VWA3B: variants seen among roughly 807,000 people sequenced by gnomAD.
VWA3B encodes von Willebrand factor A domain-containing protein 3B.
A neutral mutation model predicts 158.3 loss-of-function variants in VWA3B; 138 were observed. The observed-to-expected ratio is 0.87, with a 90% CI of 0.76 to 1.00. VWA3B has a LOEUF of 1.00. Ranked by LOEUF, VWA3B falls within the 50% of genes least tolerant of loss-of-function variation. The pLI is 0.00. For missense variants in VWA3B, 1,555 were observed against 1,565.1 expected (o/e 0.99, Z 0.11); for synonymous variants, 596 against 587.3 (o/e 1.01, Z -0.21).
chr2:98,178,175 C>T (rs747808529), intron 8 of VWA3B, among the ~76,000 whole-genome samples: 1 of 151,962 alleles, frequency 6.6e-6, no homozygotes, highest in African/African-American at 2.4e-5. Context: ...CCCAGGGACT[C>T]GGAGCTCTGA....
Position 98,181,196 on chromosome 2 carries a change from C to A in VWA3B, c.1295C>A (p.Ser432Tyr), listed in dbSNP as rs568905227. ...VDIKAKPENE[S>Y]VQTSAETNKK... is the part of the protein sequence containing the mutation. Reference sequence around the variant, plus strand: ...ATAAAAGCCAAACCGGAGAATGAGTCCGTGCAGACCAGTGCGGTAGGTGAA... The same window carrying A: ...ATAAAAGCCAAACCGGAGAATGAGTACGTGCAGACCAGTGCGGTAGGTGAA... The change falls in exon 9 of 28, where the codon TCC becomes TAC. Residue 432 changes from serine (S) to tyrosine (Y), a missense_variant. Coordinates refer to ENST00000477737, the MANE Select transcript of VWA3B (RefSeq NM_144992.5). The A allele has an allele frequency of 3.1e-6, 5 of 1,613,940 alleles. No individual in the cohort carries two copies. The highest frequency in any genetic ancestry group is 4.2e-6 in the Non-Finnish European group (5 of 1,179,978).
intron 7 of VWA3B, among the ~76,000 whole-genome samples, chr2:98,138,145 A>C (rs1676433734): frequency 2.6e-5 from 4 of 152,146 alleles, no homozygotes; most frequent in Admixed American, 2.6e-4. Context: ...CTCTGTCTGA[A>C]TGTCTGCCAT....
intron 8 of VWA3B, among the ~76,000 whole-genome samples, chr2:98,172,449 C>G (rs1457574357): frequency 6.6e-6 from 1 of 152,224 alleles, no homozygotes; most frequent in Non-Finnish European, 1.5e-5. Context: ...CGATGTCCAG[C>G]TGCTTCTGTC....
chr2:98,216,604 G>A (rs1684008784), intron 13 of VWA3B: 1 of 425,040 alleles, frequency 2.4e-6, no homozygotes, highest in African/African-American at 2.0e-5. Flanking sequence ...CACAGCTGAT[G>A]TGTGTGGAGC....
rs298917 is a variant in VWA3B at position 98,093,221 on chromosome 2, T to C, written c.129T>C (p.His43=). ...CATCTGAGAAATGGCTTCAACTGCA[T>C]GGGCTTAAGAGCAACAAATTGACCT... is the stretch of plus-strand genomic sequence containing the variant. ...LISSEKWLQL[H]GLKSNKLTLK... is the part of the protein sequence containing the mutation. The change falls in exon 2 of 28, where the codon CAT becomes CAC. Residue 43 remains histidine, a synonymous_variant. Coordinates refer to ENST00000477737, the MANE Select transcript of VWA3B (RefSeq NM_144992.5). 0.19 allele frequency: 302,399 copies of C among 1,614,002 alleles called. 29,892 individuals are homozygous for C. The highest frequency in any genetic ancestry group is 0.21 in the Non-Finnish European group (243,933 of 1,179,944).
chr2:98,179,603 C>T (rs371665628), intron 8 of VWA3B, among the ~76,000 whole-genome samples: 2 of 152,316 alleles, frequency 1.3e-5, no homozygotes, highest in East Asian at 3.9e-4. Context: ...CTTTCCACCA[C>T]ATTACAGAGC....
intron 20 of VWA3B, among the ~76,000 whole-genome samples, chr2:98,253,667 T>C (rs62156731): frequency 0.039 from 5,917 of 152,266 alleles, 172 homozygotes; most frequent in Middle Eastern, 0.075. Flanking sequence ...GGCTGCTTCT[T>C]GGCCTTCTGA....
At chr2:98,233,453 T>C (rs1685469109) in intron 16 of VWA3B, among the ~76,000 whole-genome samples, 1 of 152,220 alleles carries the variant, frequency 6.6e-6, no homozygotes, top group South Asian at 2.1e-4. Flanking sequence ...CTGATTGTTT[T>C]GCCTGGTAAT....
At chr2:98,194,614 A>G in intron 12 of VWA3B, 122 bp downstream of exon 12, 1 of 1,185,078 alleles carries the variant, frequency 8.4e-7, no homozygotes, top group South Asian at 1.7e-5. Flanking sequence ...GTGGCTTAAC[A>G]TGTAGACTTT....
intron 22 of VWA3B, among the ~76,000 whole-genome samples, chr2:98,285,941 T>C (rs528138602): frequency 9.2e-5 from 14 of 152,268 alleles, no homozygotes; most frequent in Admixed American, 1.3e-4. Context: ...TATTAGATCT[T>C]TGATTTCTCT....
At chr2:98,296,660 G>A (rs1027684355) in intron 23 of VWA3B, among the ~76,000 whole-genome samples, 1 of 152,172 alleles carries the variant, frequency 6.6e-6, no homozygotes, top group African/African-American at 2.4e-5. Context: ...AGCACATGCC[G>A]TGGAGCCCAG....
intron 12 of VWA3B, among the ~76,000 whole-genome samples, chr2:98,194,844 C>T (rs1403385686): frequency 2.0e-5 from 3 of 151,744 alleles, no homozygotes; most frequent in South Asian, 2.1e-4. Flanking sequence ...TTGTTGCAAA[C>T]GGTATATTGC....
At chr2:98,098,790 TCTTA>T (rs1247645226) in intron 2 of VWA3B, among the ~76,000 whole-genome samples, 1 of 152,158 alleles carries the variant, frequency 6.6e-6, no homozygotes, top group African/African-American at 2.4e-5. Context: ...TTTTTTTGTT[TCTTA>T]CTCTTTCTTT....
chr2:98,192,794 A>G, intron 10 of VWA3B, 104 bp from the exon 11 acceptor site: 3 of 1,500,412 alleles, frequency 2.0e-6, no homozygotes, highest in Non-Finnish European at 2.8e-6. Context: ...TATAAACAAC[A>G]TAGCGCAGCT....
At chr2:98,098,022 T>G (rs1218976961) in intron 2 of VWA3B, among the ~76,000 whole-genome samples, 1 of 152,188 alleles carries the variant, frequency 6.6e-6, no homozygotes, top group Non-Finnish European at 1.5e-5. Flanking sequence ...ATGTATTCGT[T>G]AATTTTCCAA....
intron 21 of VWA3B, among the ~76,000 whole-genome samples, chr2:98,262,902 T>C (rs1687572537): frequency 6.6e-6 from 1 of 151,952 alleles, no homozygotes; most frequent in African/African-American, 2.4e-5. Flanking sequence ...ATTAAGTCTT[T>C]CAATCCATGA....
At chr2:98,154,467 G>A (rs1195090250) in intron 7 of VWA3B, among the ~76,000 whole-genome samples, 6 of 152,100 alleles carry the variant, frequency 3.9e-5, no homozygotes, top group Non-Finnish European at 5.9e-5. Flanking sequence ...TGCAGATCTC[G>A]TTTTCCCAAC....
At chr2:98,320,673 C>G in the VWA3B span, among the ~76,000 whole-genome samples, 1 of 152,196 alleles carries the variant, frequency 6.6e-6, no homozygotes, top group African/African-American at 2.4e-5. Flanking sequence ...TTTGCCTCTG[C>G]TCTAGAGATC....
intron 19 of VWA3B, among the ~76,000 whole-genome samples, chr2:98,237,287 A>C (rs1685767464): frequency 6.6e-6 from 1 of 152,220 alleles, no homozygotes; most frequent in Non-Finnish European, 1.5e-5. Context: ...TGCAGAAATG[A>C]TTGAAAACTC....
Sources: gnomAD v4.1 joint callset for allele counts (sites outside exome capture counted in the v4.1 genomes callset) on GRCh38, gnomAD v4.1.1 for gene constraint, MANE v1.5 for transcripts, NCBI Gene and HGNC (gene_info 2026-07-23, HGNC 2026-07-21) for gene names.